The following PLEKHA8 variants were observed in gnomAD, a reference collection of about 807,000 sequenced individuals.
The protein encoded by PLEKHA8 is pleckstrin homology domain-containing family A member 8.
In PLEKHA8, 36 loss-of-function variants were observed where a neutral mutation model predicts 68.2. That is an observed-to-expected ratio of 0.53 (90% CI 0.40 to 0.70). The LOEUF (loss-of-function observed/expected upper bound fraction) is 0.70, where lower values mean the gene tolerates loss of function less well. PLEKHA8 is among the 30% of genes least tolerant of loss of function. PLEKHA8 has a pLI of 0.00. For synonymous variants in PLEKHA8, 211 were observed against 216.1 expected (o/e 0.98, Z 0.20); for missense variants, 505 against 615.4 (o/e 0.82, Z 1.90).
In PLEKHA8 at chr7:30,055,181, A is replaced by G. The variant is rs550864960; in HGVS notation, c.954-76A>G. On this transcript the variant is annotated intron_variant, in intron 8 of 13. Coordinates refer to ENST00000449726, the MANE Select transcript of PLEKHA8 (RefSeq NM_001197026.2). ...GCCCTACAGAGAGGCAGCTGTGTCT[A>G]TGACTTACCTCTGAATTGCAGAGTG... The G allele has an allele frequency of 3.5e-5, 47 of 1,327,960 alleles. No homozygotes were observed. The East Asian group carries it at 5.3e-4, about 15-fold the overall frequency. The allele number at this position is 1,327,960 out of a possible 1,614,324, so 82.3% of individuals were successfully genotyped here. A position where few individuals can be genotyped will look rare whatever the true frequency, so the allele number is the denominator to read the frequency against.
chr7:30,118,792 T>A (rs954896858), intron 13 of PLEKHA8, among the ~76,000 whole-genome samples: 4 of 152,216 alleles, frequency 2.6e-5, no homozygotes, highest in Admixed American at 6.5e-5. Flanking sequence ...TTAGCCAGGA[T>A]GATCTCGATC....
intron 13 of PLEKHA8, among the ~76,000 whole-genome samples, chr7:30,100,806 A>G (rs990544660): frequency 7.2e-5 from 11 of 152,238 alleles, no homozygotes; most frequent in Non-Finnish European, 1.0e-4. Flanking sequence ...CTACTTGCAA[A>G]TGATGTATAC....
chr7:30,056,472 T>G (rs1395782387), intron 9 of PLEKHA8, among the ~76,000 whole-genome samples: 1 of 147,740 alleles, frequency 6.8e-6, no homozygotes, highest in African/African-American at 2.5e-5. Context: ...CTCACGCCTG[T>G]AATCCCAGCA....
At chr7:30,121,514 A>G (rs535322645) in intron 13 of PLEKHA8, among the ~76,000 whole-genome samples, 86 of 152,268 alleles carry the variant, frequency 5.6e-4, no homozygotes, top group Middle Eastern at 3.4e-3. Flanking sequence ...CTATAATCCC[A>G]GCTACTTGGG....
Position 30,045,084 on chromosome 7 carries a change from G to T in PLEKHA8, c.41-1G>T. 1 of 1,594,178 alleles carries T rather than the reference G, an allele frequency of 6.3e-7. No individual in the cohort carries two copies. The highest frequency in any genetic ancestry group is 8.5e-7 in the Non-Finnish European group (1 of 1,171,076). On this transcript the variant is annotated splice_acceptor_variant, in intron 1 of 13. Coordinates refer to ENST00000449726, the MANE Select transcript of PLEKHA8 (RefSeq NM_001197026.2). LOFTEE classifies it high-confidence loss of function. ...AATGATGCTCTTGCTTTTGTTTTCAGGTTGGCAGCCTCGATGGTTCCTTCT... is the reference window on the plus strand; with the variant it reads ...AATGATGCTCTTGCTTTTGTTTTCATGTTGGCAGCCTCGATGGTTCCTTCT...
intron 13 of PLEKHA8, among the ~76,000 whole-genome samples, chr7:30,121,300 A>G (rs920153625): frequency 1.4e-4 from 22 of 152,056 alleles, no homozygotes; most frequent in African/African-American, 5.3e-4. Flanking sequence ...TTGGGCCACC[A>G]TGATAAGAGA....
chr7:30,063,335 G>A (rs1447259548), intron 12 of PLEKHA8, among the ~76,000 whole-genome samples: 2 of 152,184 alleles, frequency 1.3e-5, no homozygotes, highest in Non-Finnish European at 2.9e-5. Context: ...TGGACAGGTA[G>A]GTAGATGGAT....
chr7:30,066,865 A>G (rs945447954), intron 12 of PLEKHA8, among the ~76,000 whole-genome samples: 18 of 152,234 alleles, frequency 1.2e-4, no homozygotes, highest in Non-Finnish European at 2.5e-4. Context: ...TCATGTATTT[A>G]ATATGAAAGG....
At chr7:30,118,942 C>T (rs1325146747) in intron 13 of PLEKHA8, among the ~76,000 whole-genome samples, 21 of 152,234 alleles carry the variant, frequency 1.4e-4, no homozygotes, top group Non-Finnish European at 7.3e-5. Context: ...TGTATCTTGG[C>T]CTCATTCCCA....
At chr7:30,042,337 C>A (rs1023093344) in intron 1 of PLEKHA8, among the ~76,000 whole-genome samples, 1 of 152,172 alleles carries the variant, frequency 6.6e-6, no homozygotes, top group African/African-American at 2.4e-5. Flanking sequence ...TACACAGACA[C>A]CCTGACACTC....
chr7:30,125,763 A>G (rs965007723), intron 13 of PLEKHA8, among the ~76,000 whole-genome samples: 2 of 152,084 alleles, frequency 1.3e-5, no homozygotes, highest in Non-Finnish European at 2.9e-5. Context: ...CTACTGCTGA[A>G]TCTCTTTACT....
chr7:30,062,837 T>C, intron 12 of PLEKHA8, 95 bp downstream of exon 12: 1 of 886,056 alleles, frequency 1.1e-6, no homozygotes, highest in Non-Finnish European at 1.7e-6. Context: ...TTTCTGCTTT[T>C]CAGAATTTGA....
chr7:30,083,274 A>G lies in PLEKHA8; in HGVS notation c.*4487A>G. 1.0e-6 allele frequency: 1 copy of G among 982,768 alleles called. No individual in the cohort carries two copies. The highest frequency in any genetic ancestry group is 1.2e-6 in the Non-Finnish European group (1 of 827,506). The allele number at this position is 982,768 out of a possible 1,614,324, so 60.9% of individuals were successfully genotyped here. Reference sequence around the variant, plus strand: ...CGTTAGAAGTACATTCTACTTCTGTATGTCCCTTTGTAATCCGCAGTTGCT... The same window carrying G: ...CGTTAGAAGTACATTCTACTTCTGTGTGTCCCTTTGTAATCCGCAGTTGCT... On this transcript the variant is annotated 3_prime_UTR_variant, in exon 14 of 14. Transcript: ENST00000449726.
At chr7:30,084,949 C>CT (rs5883231), downstream of PLEKHA8, among the ~76,000 whole-genome samples, 909 of 141,590 alleles carry the variant, frequency 6.4e-3, 5 homozygotes, top group East Asian at 0.026. Flanking sequence ...TTTTTCTTTT[C>CT]TTTTTTTTTT....
intron 13 of PLEKHA8, among the ~76,000 whole-genome samples, chr7:30,121,032 C>T (rs915638871): frequency 3.3e-5 from 5 of 151,740 alleles, no homozygotes; most frequent in South Asian, 2.1e-4. Context: ...GTAGATTTTA[C>T]GATTAATCTA....
chr7:30,055,426 C>T lies in PLEKHA8; in HGVS notation c.1039+84C>T, dbSNP rs367775775. On this transcript the variant is annotated intron_variant, in intron 9 of 13. Transcript: ENST00000449726. ...TATTTTGCAGGAGAAATACCCCAAA[C>T]TATGTGTACAGTGAGATGACCCTTG... is the stretch of plus-strand genomic sequence containing the variant. The T allele has an allele frequency of 2.5e-6, 3 of 1,187,624 alleles. No homozygotes were observed. The East Asian group carries it at 7.0e-5, about 28-fold the overall frequency. The allele number at this position is 1,187,624 out of a possible 1,614,324, so 73.6% of individuals were successfully genotyped here.
chr7:30,124,353 A>G (rs1225105930), intron 13 of PLEKHA8, among the ~76,000 whole-genome samples: 2 of 152,238 alleles, frequency 1.3e-5, no homozygotes, highest in Non-Finnish European at 2.9e-5. Flanking sequence ...ATATCTTAGT[A>G]TTATAATAAA....
chr7:30,073,481 T>C (rs969504473), intron 12 of PLEKHA8, among the ~76,000 whole-genome samples: 1 of 151,398 alleles, frequency 6.6e-6, no homozygotes, highest in Non-Finnish European at 1.5e-5. Flanking sequence ...TTATATGTAT[T>C]GACCTTTTCC....
chr7:30,108,083 A>AAAAAAAAAAAAAAAAAAAAAAAC (rs780069387), intron 13 of PLEKHA8, among the ~76,000 whole-genome samples: 4 of 144,448 alleles, frequency 2.8e-5, no homozygotes, highest in African/African-American at 9.9e-5. Context: ...AAAAAAAAAA[A>AAAAAAAAAAAAAAAAAAAAAAAC]AAAAAAAAAC....
Sources: gnomAD v4.1 joint callset for allele counts (sites outside exome capture counted in the v4.1 genomes callset) on GRCh38, gnomAD v4.1.1 for gene constraint, MANE v1.5 for transcripts, NCBI Gene and HGNC (gene_info 2026-07-23, HGNC 2026-07-21) for gene names.